The following TMEM231 variants were observed in gnomAD, a reference collection of about 807,000 sequenced individuals.
TMEM231 encodes transmembrane protein 231.
TMEM231 carries 40 observed loss-of-function variants against 38.5 expected under a neutral mutation model. The ratio of observed to expected loss-of-function variants is 1.04; its 90% CI spans 0.81 to 1.35. The LOEUF (loss-of-function observed/expected upper bound fraction) is 1.35. Among genes scored for constraint, TMEM231 ranks in the 40% most tolerant of loss-of-function variants. TMEM231 has a pLI of 0.00. For synonymous variants in TMEM231, 199 were observed against 181.7 expected, an observed-to-expected ratio of 1.10 and a Z score of -0.77; for missense variants, 420 against 416.9, an observed-to-expected ratio of 1.01 and a Z score of -0.07.
rs374557740 is a variant in TMEM231, at chr16:75,540,288, A to G, written c.771-114T>C. On this transcript the variant is annotated intron_variant, in intron 6 of 6. Coordinates refer to ENST00000258173, the MANE Select transcript of TMEM231 (RefSeq NM_001077418.3). ...AAAGGAGGCAGGACCTCTGTCATGT[A>G]CACACCCAGATGGAAGCTGACCTGA... 1.6e-4 allele frequency: 161 copies of G among 1,035,408 alleles called. No individual in the cohort carries two copies. In the East Asian group the frequency reaches 1.6e-3, roughly 10 times the overall value. The allele number at this position is 1,035,408 out of a possible 1,614,324, so 64.1% of individuals were successfully genotyped here.
rs754352443 is a variant in TMEM231 at position 75,540,153 on chromosome 16, C to A, written c.792G>T (p.Glu264Asp). The A allele has an allele frequency of 1.2e-6, 2 of 1,613,238 alleles. No homozygotes were observed. The highest frequency in any genetic ancestry group is 1.7e-6 in the Non-Finnish European group (2 of 1,179,608). Residue 264 changes from glutamate to aspartate, a missense_variant, in exon 7 of 7, where the codon GAG becomes GAT. Glu to Asp is a conservative substitution (Grantham distance 45, BLOSUM62 2). Coordinates refer to ENST00000258173, the MANE Select transcript of TMEM231 (RefSeq NM_001077418.3). ...ACTGCACCCAGGCGAACTTTACCAT[C>A]TCCCAGAATCCTGGCTGATAAGTAT... is the stretch of plus-strand genomic sequence containing the variant. ...EVISYQPGFW[E>D]MVKFAWVQYV...
chr16:75,551,601 A>C (rs966535446), intron 2 of TMEM231, among the ~76,000 whole-genome samples: 6 of 152,222 alleles, frequency 3.9e-5, no homozygotes, highest in African/African-American at 1.4e-4. Context: ...TTACTTTTTA[A>C]AAAGTTACTA....
At chr16:75,543,624 A>G (rs1019900297) in intron 4 of TMEM231, among the ~76,000 whole-genome samples, 1 of 152,102 alleles carries the variant, frequency 6.6e-6, no homozygotes, top group Non-Finnish European at 1.5e-5. Flanking sequence ...AAAAAAAGAA[A>G]CCATACTTCC....
chr16:75,544,062 T>C (rs962844604), intron 4 of TMEM231, among the ~76,000 whole-genome samples: 5 of 152,194 alleles, frequency 3.3e-5, no homozygotes, highest in African/African-American at 7.2e-5. Flanking sequence ...ATTTGAGCCT[T>C]TGGGAAAATT....
intron 2 of TMEM231, among the ~76,000 whole-genome samples, chr16:75,552,811 G>A (rs2080777221): frequency 6.6e-6 from 1 of 152,228 alleles, no homozygotes; most frequent in East Asian, 1.9e-4. Context: ...CAGACAGGAA[G>A]ACACTGATTT....
chr16:75,556,010 G>C (rs756225620), intron 1 of TMEM231, 37 bp from the exon 2 acceptor site: 1 of 1,575,736 alleles, frequency 6.3e-7, no homozygotes, highest in Admixed American at 1.8e-5. Flanking sequence ...CGGTTAGGGA[G>C]GCCGGCCCTG....
intron 2 of TMEM231, among the ~76,000 whole-genome samples, chr16:75,552,346 C>A (rs4887832): frequency 1.3e-5 from 2 of 151,776 alleles, no homozygotes; most frequent in African/African-American, 4.8e-5. Context: ...CCAGCTCCTT[C>A]GGAGGCTGAG....
In TMEM231 at chr16:75,546,721, G is replaced by A. The variant is rs573370659; in HGVS notation, c.310-767C>T. Among the ~76,000 whole-genome samples, 14 of 152,284 alleles carry A rather than the reference G, an allele frequency of 9.2e-5. 1 individual carries two copies. In the South Asian group the frequency reaches 2.9e-3, roughly 32 times the overall value. On this transcript the variant is annotated intron_variant, in intron 2 of 6. Transcript: ENST00000258173. ...GGCTCCCAAAGTGCTAGGATTATAG[G>A]CGTGAGCCACCGCACCCGGCCTTAC...
chr16:75,541,495 T>G, intron 5 of TMEM231, 40 bp from the exon 6 acceptor site: 2 of 1,397,874 alleles, frequency 1.4e-6, no homozygotes, highest in South Asian at 1.3e-5. Context: ...GATGGCTGTT[T>G]GACTCTGGCA....
chr16:75,554,545 C>CAAAAA (rs1185694717), intron 2 of TMEM231, among the ~76,000 whole-genome samples: 65 of 92,772 alleles, frequency 7.0e-4, no homozygotes, highest in Middle Eastern at 5.0e-3. Context: ...GACTGTGTCT[C>CAAAAA]AAAAAAAAAA....
At chr16:75,556,009 A>G in intron 1 of TMEM231, 36 bp from the exon 2 acceptor site, 1 of 1,581,592 alleles carries the variant, frequency 6.3e-7, no homozygotes, top group Non-Finnish European at 8.6e-7. Context: ...GCGGTTAGGG[A>G]GGCCGGCCCT....
intron 2 of TMEM231, among the ~76,000 whole-genome samples, chr16:75,548,224 T>C (rs2080716538): frequency 6.6e-6 from 1 of 152,172 alleles, no homozygotes; most frequent in Non-Finnish European, 1.5e-5. Context: ...ATTTTAAAAA[T>C]TCCAAATGAA....
In TMEM231 at chr16:75,556,043, C is replaced by T. The variant is rs370005084; in HGVS notation, c.139+28G>A. ...CTGGCCGAGCGCGCCCGGGGAGCCTCGTGGCACAGCGGCCGGGGCAGGCTC... is the reference window on the plus strand; with the variant it reads ...CTGGCCGAGCGCGCCCGGGGAGCCTTGTGGCACAGCGGCCGGGGCAGGCTC... On this transcript the variant is annotated intron_variant, in intron 1 of 6. Coordinates refer to ENST00000258173, the MANE Select transcript of TMEM231 (RefSeq NM_001077418.3). 2.8e-5 allele frequency: 44 copies of T among 1,565,352 alleles called. No homozygotes were observed. Among genetic ancestry groups the T allele is most frequent in the Non-Finnish European group, 3.7e-5 (43 of 1,155,450 alleles).
At chr16:75,541,235 G>C (rs1432168382) in intron 6 of TMEM231, 115 bp downstream of exon 6, 4 of 548,864 alleles carry the variant, frequency 7.3e-6, no homozygotes, top group African/African-American at 2.0e-5. Context: ...GGCCAGGCTG[G>C]TTGTGAACTC....
intron 4 of TMEM231, among the ~76,000 whole-genome samples, chr16:75,544,472 G>A (rs988781024): frequency 4.6e-5 from 7 of 152,148 alleles, no homozygotes; most frequent in African/African-American, 1.7e-4. Context: ...AAAAAGGCCA[G>A]GGGGGCTGGA....
chr16:75,542,837 A>G (rs763506114), intron 4 of TMEM231, among the ~76,000 whole-genome samples, 154 bp from the exon 5 acceptor site: 2 of 145,430 alleles, frequency 1.4e-5, no homozygotes, highest in Non-Finnish European at 3.0e-5. Context: ...AAGATGAATA[A>G]AACAGGCTGC....
intron 2 of TMEM231, among the ~76,000 whole-genome samples, chr16:75,547,315 T>C (rs1164507842): frequency 1.3e-5 from 2 of 152,236 alleles, no homozygotes; most frequent in Admixed American, 1.3e-4. Flanking sequence ...AATAAGGTCA[T>C]TTGAAATGAA....
At chr16:75,553,712 G>T (rs140022166) in intron 2 of TMEM231, among the ~76,000 whole-genome samples, 224 of 150,882 alleles carry the variant, frequency 1.5e-3, no homozygotes, top group Middle Eastern at 3.5e-3. Flanking sequence ...TTTGAAATGT[G>T]GGGTCTTGCT....
chr16:75,553,876 T>C (rs2080786316), intron 2 of TMEM231, among the ~76,000 whole-genome samples: 1 of 152,090 alleles, frequency 6.6e-6, no homozygotes, highest in African/African-American at 2.4e-5. Context: ...CTCCAGGTCT[T>C]GAGATAACAT....
Sources: allele counts gnomAD v4.1 joint callset (sites outside exome capture counted in the v4.1 genomes callset), GRCh38; gene constraint gnomAD v4.1.1; transcripts MANE v1.5; gene names NCBI Gene and HGNC (gene_info 2026-07-23, HGNC 2026-07-21).